TLK2: variants seen among roughly 807,000 people sequenced by gnomAD.
TLK2 encodes the protein tousled like kinase 2.
Under a neutral mutation model 117.3 loss-of-function variants are expected in TLK2, and 6 were observed. The ratio of observed to expected loss-of-function variants is 0.05; its 90% confidence interval spans 0.03 to 0.10. The LOEUF (loss-of-function observed/expected upper bound fraction) is 0.10, where lower values mean the gene tolerates loss of function less well. Ranked by LOEUF, TLK2 falls within the 10% of genes least tolerant of loss-of-function variation. The probability of loss-of-function intolerance (pLI) is 1.00; values close to 1 mark genes in which losing one functional copy is unlikely to be tolerated. For missense variants in TLK2, 299 were observed against 901.2 expected, an observed-to-expected ratio of 0.33 and a Z score of 8.56; for synonymous variants, 257 against 316.7, an observed-to-expected ratio of 0.81 and a Z score of 2.00.
intron 15 of TLK2, among the ~76,000 whole-genome samples, chr17:62,581,761 TA>T (rs888290478): frequency 2.0e-5 from 3 of 152,178 alleles, no homozygotes; most frequent in African/African-American, 4.8e-5. Context: ...TTGTATTTTT[TA>T]ATCTGTGTTT....
At chr17:62,597,007 C>T (rs1488204253) in intron 17 of TLK2, among the ~76,000 whole-genome samples, 1 of 151,946 alleles carries the variant, frequency 6.6e-6, no homozygotes, top group Non-Finnish European at 1.5e-5. Flanking sequence ...TTTTTTTAAA[C>T]ATCTTAATTA....
At chr17:62,511,937 A>C (rs558384765) in intron 2 of TLK2, among the ~76,000 whole-genome samples, 3 of 152,222 alleles carry the variant, frequency 2.0e-5, no homozygotes, top group African/African-American at 7.2e-5. Context: ...TCAAGAGTAC[A>C]ATTGCTGGGT....
intron 16 of TLK2, among the ~76,000 whole-genome samples, chr17:62,588,068 CTGTATATGTATAAAATATACGTATACAT>C (rs2081777118): frequency 7.5e-6 from 1 of 134,106 alleles, no homozygotes; most frequent in Non-Finnish European, 1.6e-5. Context: ...ACGTATACAT[CTGTATATGTATAAAATATACGTATACAT>C]CTGTATATGT....
chr17:62,603,970 CTTTATTTATTTA>C (rs66748805), intron 19 of TLK2, among the ~76,000 whole-genome samples: 5,839 of 141,452 alleles, frequency 0.041, 297 homozygotes, highest in African/African-American at 0.11. Flanking sequence ...ACATTGAATA[CTTTATTTATTTA>C]TTTATTTATT....
chr17:62,600,395 G>GA, intron 17 of TLK2: 1 of 376,026 alleles, frequency 2.7e-6, no homozygotes, highest in Non-Finnish European at 4.8e-6. Context: ...CTAGACTCAA[G>GA]AAGAGGTCTG....
At chr17:62,568,820 A>T (rs866759401) in intron 11 of TLK2, among the ~76,000 whole-genome samples, 2 of 151,854 alleles carry the variant, frequency 1.3e-5, no homozygotes, top group Non-Finnish European at 2.9e-5. Flanking sequence ...CCTGACCTCA[A>T]GTGATCCACC....
At chr17:62,500,070 T>C (rs2074063177) in intron 2 of TLK2, among the ~76,000 whole-genome samples, 1 of 151,962 alleles carries the variant, frequency 6.6e-6, no homozygotes, top group South Asian at 2.1e-4. Flanking sequence ...TTTATTATTA[T>C]TATTTTATTT....
chr17:62,552,428 G>C (rs767759721), intron 8 of TLK2, 31 bp downstream of exon 8: 1 of 1,613,890 alleles, frequency 6.2e-7, no homozygotes, highest in Non-Finnish European at 8.5e-7. Flanking sequence ...CAATTGAGGG[G>C]CATACCTGCT....
At chr17:62,541,262 T>G (rs2077513099) in intron 7 of TLK2, among the ~76,000 whole-genome samples, 1 of 152,228 alleles carries the variant, frequency 6.6e-6, no homozygotes, top group Admixed American at 6.5e-5. Flanking sequence ...TTTGTCTGAC[T>G]TCCCCCCACT....
At chr17:62,497,251 C>G (rs2073793033) in intron 2 of TLK2, among the ~76,000 whole-genome samples, 1 of 151,902 alleles carries the variant, frequency 6.6e-6, no homozygotes, top group East Asian at 1.9e-4. Flanking sequence ...GCCTGGGTGA[C>G]AGAGTGAGAC....
intron 21 of TLK2, among the ~76,000 whole-genome samples, chr17:62,609,272 AG>A (rs1453286861): frequency 6.6e-6 from 1 of 152,030 alleles, no homozygotes; most frequent in Non-Finnish European, 1.5e-5. Context: ...TTTGTAGACA[AG>A]GGGTTTCGCC....
Position 62,604,625 on chromosome 17 carries a change from T to C in TLK2, c.1860-1505T>C, listed in dbSNP as rs542944730. Among the ~76,000 whole-genome samples, 6 of 152,258 alleles carry C rather than the reference T, an allele frequency of 3.9e-5. No individual in the cohort carries two copies. In the East Asian group the frequency reaches 1.2e-3, roughly 29 times the overall value. On this transcript the variant is annotated intron_variant, in intron 19 of 21. Transcript: ENST00000346027. ...AGGTCTTTTTATATTCTAAAAATCT[T>C]GCTAGCCAGGTGTGGTGGCTCATGC... is the stretch of plus-strand genomic sequence containing the variant.
chr17:62,588,656 T>C (rs1272207861), intron 16 of TLK2, among the ~76,000 whole-genome samples: 1 of 152,042 alleles, frequency 6.6e-6, no homozygotes, highest in African/African-American at 2.4e-5. Context: ...GGAGTTCTTT[T>C]TTTTGTTTTG....
chr17:62,543,917 G>A (rs1302930341), intron 7 of TLK2, among the ~76,000 whole-genome samples: 2 of 152,050 alleles, frequency 1.3e-5, no homozygotes, highest in African/African-American at 4.8e-5. Flanking sequence ...CTAAAGTCAA[G>A]AAAATTTACT....
chr17:62,608,022 G>GT lies in TLK2; in HGVS notation c.1972-16dup, dbSNP rs746325818. On this transcript the variant is annotated intron_variant, in intron 20 of 21. Transcript: ENST00000346027. The stretch of plus-strand genomic sequence containing the variant: ...TTTTCATCAGAGGCCTACATTATTT[G>GT]TTTGTTTTTATGTGACAGCCTTTTG... 1.4e-5 allele frequency: 22 copies of GT among 1,597,058 alleles called. No homozygotes were observed. Among genetic ancestry groups the GT allele is most frequent in the Non-Finnish European group, 1.9e-5 (22 of 1,171,534 alleles).
chr17:62,533,683 G>A (rs549723684), intron 6 of TLK2, among the ~76,000 whole-genome samples: 85 of 151,938 alleles, frequency 5.6e-4, no homozygotes, highest in African/African-American at 1.9e-3. Context: ...TGCCACGTTG[G>A]CCAGGCTGGT....
intron 6 of TLK2, among the ~76,000 whole-genome samples, chr17:62,530,025 A>G (rs969761231): frequency 1.3e-5 from 2 of 152,084 alleles, no homozygotes; most frequent in Admixed American, 6.5e-5. Context: ...CAATATAGTG[A>G]GATCCCTGTC....
chr17:62,537,959 A>C (rs1294528488), intron 7 of TLK2, among the ~76,000 whole-genome samples: 1 of 152,056 alleles, frequency 6.6e-6, no homozygotes, highest in African/African-American at 2.4e-5. Flanking sequence ...TATTGTTCTA[A>C]AGAATGTATG....
rs1434258102 is a variant in TLK2, at chr17:62,565,066, T to C, written c.897T>C (p.Phe299=). 6.2e-7 allele frequency: 1 copy of C among 1,614,038 alleles called. No homozygotes were observed. The highest frequency in any genetic ancestry group is 8.5e-7 in the Non-Finnish European group (1 of 1,180,020). Residue 299 remains phenylalanine, a synonymous_variant, in exon 11 of 22, where the codon TTT becomes TTC. Transcript: ENST00000346027. The part of the protein sequence containing the change: ...SMQDRLRLGH[F]TTVRHGASFT... ...AAGACCGCTTGAGACTGGGCCACTT[T>C]ACTACTGTCCGACACGGAGCCTCAT... is the stretch of plus-strand genomic sequence containing the variant.
Sources: gnomAD v4.1 joint callset for allele counts (sites outside exome capture counted in the v4.1 genomes callset) on GRCh38, gnomAD v4.1.1 for gene constraint, MANE v1.5 for transcripts, NCBI Gene and HGNC (gene_info 2026-07-23, HGNC 2026-07-21) for gene names.